Variants in OR1J2 observed in about 807,000 individuals in gnomAD.
OR1J2 encodes the protein olfactory receptor 1J2.
For missense variants in OR1J2, 304 were observed against 246.1 expected, an observed-to-expected ratio of 1.24 and a Z score of -1.57; for synonymous variants, 142 against 99.7, an observed-to-expected ratio of 1.42 and a Z score of -2.52.
At chr9:122,558,343 A>T in the OR1J2 span, among the ~76,000 whole-genome samples, 1 of 91,158 alleles carries the variant, frequency 1.1e-5, no homozygotes, top group Admixed American at 1.4e-4. Flanking sequence ...TTTTTTGCAA[A>T]AGAAGGTTAA....
At chr9:122,525,436 C>G in the OR1J2 span, among the ~76,000 whole-genome samples, 2 of 152,128 alleles carry the variant, frequency 1.3e-5, no homozygotes, top group African/African-American at 2.4e-5. Flanking sequence ...TGTAAGAAAT[C>G]AAAACTATAT....
the OR1J2 span, chr9:122,573,021 T>G: frequency 1.3e-5 from 2 of 152,298 alleles, no homozygotes; most frequent in African/African-American, 4.8e-5. Flanking sequence ...AACATAATGC[T>G]GCCTTTCTCA....
At chr9:122,494,114 G>A in the OR1J2 span, among the ~76,000 whole-genome samples, 1 of 151,958 alleles carries the variant, frequency 6.6e-6, no homozygotes, top group African/African-American at 2.4e-5. Context: ...ATGGTCTATT[G>A]GGAGAATGCT....
chr9:122,568,572 T>C, the OR1J2 span: 18 of 760,644 alleles, frequency 2.4e-5, no homozygotes, highest in Non-Finnish European at 3.4e-5. Flanking sequence ...CTTTGTTTCT[T>C]CTGTTTGGTC....
At chr9:122,562,704 C>T in the OR1J2 span, among the ~76,000 whole-genome samples, 1 of 152,162 alleles carries the variant, frequency 6.6e-6, no homozygotes, top group Non-Finnish European at 1.5e-5. Context: ...GGTTCGCATG[C>T]TGTTTTGGTT....
chr9:122,567,468 TTGAC>T, the OR1J2 span: 1 of 1,088,546 alleles, frequency 9.2e-7, no homozygotes. Context: ...TCCAACAGCT[TTGAC>T]TGTTCACCAG....
chr9:122,579,850 T>C, the OR1J2 span, among the ~76,000 whole-genome samples: 1 of 152,140 alleles, frequency 6.6e-6, no homozygotes, highest in African/African-American at 2.4e-5. Flanking sequence ...TACAAAGTCA[T>C]TGGAAATGTT....
chr9:122,485,960 GTT>G, the OR1J2 span, among the ~76,000 whole-genome samples: 751 of 138,608 alleles, frequency 5.4e-3, 5 homozygotes, highest in Non-Finnish European at 8.8e-3. Context: ...TCCCACATAA[GTT>G]TTTTTTTTTT....
At chr9:122,565,538 T>A in the OR1J2 span, among the ~76,000 whole-genome samples, 1 of 152,212 alleles carries the variant, frequency 6.6e-6, no homozygotes, top group Non-Finnish European at 1.5e-5. Context: ...GAGTGCCCAG[T>A]CTGCCAGCAG....
At chr9:122,509,193 C>T (rs1429679271), upstream of OR1J2, among the ~76,000 whole-genome samples, 3 of 152,184 alleles carry the variant, frequency 2.0e-5, no homozygotes, top group Non-Finnish European at 4.4e-5. Flanking sequence ...AGCAGATTTA[C>T]AGGTTCTGGA....
At chr9:122,551,185 G>C in the OR1J2 span, among the ~76,000 whole-genome samples, 14 of 152,092 alleles carry the variant, frequency 9.2e-5, no homozygotes, top group Non-Finnish European at 1.9e-4. Flanking sequence ...GATTATTTTA[G>C]ACCTATGAAA....
the OR1J2 span, among the ~76,000 whole-genome samples, chr9:122,467,239 T>A: frequency 6.6e-6 from 1 of 152,140 alleles, no homozygotes; most frequent in Non-Finnish European, 1.5e-5. Flanking sequence ...AAATGGTGAG[T>A]TTCCAAAAAG....
At chr9:122,540,626 A>G in the OR1J2 span, among the ~76,000 whole-genome samples, 1 of 152,114 alleles carries the variant, frequency 6.6e-6, no homozygotes, top group Non-Finnish European at 1.5e-5. Flanking sequence ...TATGAACTTT[A>G]AAGTAGTTTT....
At chr9:122,559,255 T>G in the OR1J2 span, among the ~76,000 whole-genome samples, 33 of 152,266 alleles carry the variant, frequency 2.2e-4, no homozygotes, top group African/African-American at 7.7e-4. Context: ...TCTACTTCTA[T>G]GAAATCAACT....
chr9:122,533,464 G>A, the OR1J2 span, among the ~76,000 whole-genome samples: 1 of 152,054 alleles, frequency 6.6e-6, no homozygotes, highest in Non-Finnish European at 1.5e-5. Flanking sequence ...GGGAGTAGAG[G>A]TGTCTTACAC....
chr9:122,542,073 A>G, the OR1J2 span, among the ~76,000 whole-genome samples: 1 of 152,188 alleles, frequency 6.6e-6, no homozygotes, highest in Non-Finnish European at 1.5e-5. Flanking sequence ...TTCAGGTAAA[A>G]GGAATTACAC....
the OR1J2 span, among the ~76,000 whole-genome samples, chr9:122,552,073 T>TCA: frequency 1.6e-3 from 231 of 142,494 alleles, no homozygotes; most frequent in Non-Finnish European, 2.6e-3. Context: ...TCTCTCTCTC[T>TCA]CTCTCTCACA....
the OR1J2 span, among the ~76,000 whole-genome samples, chr9:122,483,248 T>C: frequency 7.6e-4 from 116 of 152,302 alleles, no homozygotes; most frequent in African/African-American, 2.8e-3. Flanking sequence ...TCTTGATGTA[T>C]TTCTCCATAG....
Position 122,511,278 on chromosome 9 carries a change from C to T in OR1J2, c.477C>T (p.His159=), listed in dbSNP as rs757254747. The change falls in exon 1 of 1, where the codon CAC becomes CAT. Residue 159 remains histidine, a synonymous_variant. Transcript: ENST00000335302. ...WILSCASSLS[H]TLLLTRLSFC... is the part of the protein sequence containing the mutation. ...TGTCTTGTGCCAGCTCCCTCTCTCA[C>T]ACCCTTCTCCTGACCCGGCTGTCTT... The T allele has an allele frequency of 4.0e-6, 3 of 745,592 alleles. No homozygotes were observed. In the South Asian group the frequency reaches 4.5e-5, roughly 11 times the overall value. 46.2% of individuals were successfully genotyped at this position (745,592 alleles called of 1,614,324 possible).
Sources: gnomAD v4.1 joint callset for allele counts (sites outside exome capture counted in the v4.1 genomes callset) on GRCh38, gnomAD v4.1.1 for gene constraint, MANE v1.5 for transcripts, NCBI Gene and HGNC (gene_info 2026-07-23, HGNC 2026-07-21) for gene names.